The following MAP1B variants were observed in gnomAD, a reference collection of about 807,000 sequenced individuals.
MAP1B encodes microtubule associated protein 1B, also known as microtubule-associated protein 1B.
Under a neutral mutation model 176.1 loss-of-function variants are expected in MAP1B, and 12 were observed. That is an observed-to-expected ratio of 0.07 (90% CI 0.04 to 0.11). The LOEUF (loss-of-function observed/expected upper bound fraction) is 0.11. Among genes scored for constraint, MAP1B ranks in the 10% least tolerant of loss-of-function variants. MAP1B has a pLI of 1.00. For missense variants in MAP1B, 2,523 were observed against 2,990.5 expected (o/e 0.84, Z 3.65); for synonymous variants, 1,044 against 1,135.0 (o/e 0.92, Z 1.61).
At chr5:72,160,135 G>A in intron 2 of MAP1B, among the ~76,000 whole-genome samples, 1 of 151,226 alleles carries the variant, frequency 6.6e-6, no homozygotes, top group East Asian at 1.9e-4. Flanking sequence ...AGCATAAATG[G>A]GAATCAGAAG....
chr5:72,184,321 A>G (rs1746842681), intron 3 of MAP1B, among the ~76,000 whole-genome samples: 1 of 152,192 alleles, frequency 6.6e-6, no homozygotes, highest in African/African-American at 2.4e-5. Flanking sequence ...GCACCAGGTC[A>G]CCTGGGTTCA....
intron 5 of MAP1B, 63 bp from the exon 6 acceptor site, chr5:72,203,500 T>C: frequency 8.6e-7 from 1 of 1,168,842 alleles, no homozygotes; most frequent in Admixed American, 1.7e-5. Flanking sequence ...GGGGAACATG[T>C]GCTGGATGTA....
In MAP1B at chr5:72,198,097, C is replaced by G. The variant is rs777048246; in HGVS notation, c.4742C>G (p.Pro1581Arg). Residue 1581 changes from proline (P) to arginine (R), a missense_variant, in exon 5 of 7, where the codon CCA (proline) becomes CGA (arginine). Around this residue, in one of 4 missense-constraint regions of MAP1B, gnomAD observed 1,925 missense variants for 2,126.0 expected, o/e 0.91. Transcript: ENST00000296755. ...TCTCTGCATGCTGAGGTTGGCTCCCCACATTCCACAGAAGTAGATGACTCC... is the reference window on the plus strand; with the variant it reads ...TCTCTGCATGCTGAGGTTGGCTCCCGACATTCCACAGAAGTAGATGACTCC... Reference protein sequence around the residue: ...SPSLHAEVGSPHSTEVDDSLS... With the variant: ...SPSLHAEVGSRHSTEVDDSLS... The G allele has an allele frequency of 6.2e-7, 1 of 1,614,190 alleles. No individual in the cohort carries two copies. The highest frequency in any genetic ancestry group is 8.5e-7 in the Non-Finnish European group (1 of 1,180,016).
rs1192721865 is a variant in MAP1B at position 72,197,356 on chromosome 5, C to T, written c.4001C>T (p.Thr1334Ile). 26 of 1,614,190 alleles carry T rather than the reference C, an allele frequency of 1.6e-5. No individual in the cohort carries two copies. Among genetic ancestry groups the T allele is most frequent in the Non-Finnish European group, 2.2e-5 (26 of 1,180,032 alleles). Reference protein sequence around the residue: ...SQSVTGSAGHTPYYQSPTDEK... With the variant: ...SQSVTGSAGHIPYYQSPTDEK... ...TCCGTGACTGGCAGTGCTGGTCACA[C>T]ACCTTACTATCAATCTCCTACTGAC... The change falls in exon 5 of 7, where the codon ACA (threonine) becomes ATA (isoleucine). Residue 1334 changes from threonine to isoleucine, a missense_variant. Coordinates refer to ENST00000296755, the MANE Select transcript of MAP1B (RefSeq NM_005909.5).
chr5:72,173,033 A>G (rs1580006798), intron 2 of MAP1B, among the ~76,000 whole-genome samples: 1 of 152,192 alleles, frequency 6.6e-6, no homozygotes, highest in South Asian at 2.1e-4. Context: ...CAGTTCCGCT[A>G]CTAACTAATG....
chr5:72,136,025 T>C (rs974168331), intron 2 of MAP1B, among the ~76,000 whole-genome samples: 6 of 152,258 alleles, frequency 3.9e-5, no homozygotes, highest in Non-Finnish European at 7.4e-5. Flanking sequence ...AACTTTGGAG[T>C]GTTCTAGAAA....
chr5:72,166,646 C>G (rs568064998), intron 2 of MAP1B, among the ~76,000 whole-genome samples: 1 of 152,166 alleles, frequency 6.6e-6, no homozygotes, highest in East Asian at 1.9e-4. Flanking sequence ...GGCCCGAGGC[C>G]GAGCTAATCC....
intron 4 of MAP1B, among the ~76,000 whole-genome samples, chr5:72,187,255 C>T (rs950308901): frequency 3.9e-5 from 6 of 152,118 alleles, no homozygotes; most frequent in South Asian, 2.1e-4. Flanking sequence ...AAATGGGGCA[C>T]GTCTGTGACC....
chr5:72,177,917 C>A (rs1011311363), intron 2 of MAP1B, among the ~76,000 whole-genome samples: 3 of 152,070 alleles, frequency 2.0e-5, no homozygotes, highest in African/African-American at 7.2e-5. Flanking sequence ...TTTTCTCTTC[C>A]TTCCCTTCCT....
intron 2 of MAP1B, among the ~76,000 whole-genome samples, chr5:72,177,601 G>T (rs1746676064): frequency 6.6e-6 from 1 of 152,144 alleles, no homozygotes; most frequent in Non-Finnish European, 1.5e-5. Context: ...TGCCTCACCA[G>T]CTCCCATTCT....
At chr5:72,107,833 C>A in intron 1 of MAP1B, 118 bp downstream of exon 1, 1 of 1,011,824 alleles carries the variant, frequency 9.9e-7, no homozygotes, top group Non-Finnish European at 1.5e-6. Flanking sequence ...CTCTCCTCGT[C>A]ACCTCTCATA....
At chr5:72,118,121 G>T (rs532922877) in intron 2 of MAP1B, among the ~76,000 whole-genome samples, 1 of 152,196 alleles carries the variant, frequency 6.6e-6, no homozygotes, top group African/African-American at 2.4e-5. Context: ...GCTAACTCAT[G>T]TACTTCAGTT....
rs1303904617 is a variant in MAP1B, at chr5:72,197,614, C to T, written c.4259C>T (p.Ala1420Val). 2.5e-6 allele frequency: 4 copies of T among 1,614,178 alleles called. No individual in the cohort carries two copies. Among genetic ancestry groups the T allele is most frequent in the Middle Eastern group, 1.6e-4 (1 of 6,062 alleles). Residue 1420 changes from alanine to valine, a missense_variant, in exon 5 of 7, where the codon GCT (alanine) becomes GTT (valine). Ala to Val is a moderately conservative substitution (Grantham distance 64). This residue lies in a region of MAP1B where 1,925 missense variants were observed against 2,126.0 expected (regional missense o/e 0.91). Transcript: ENST00000296755. ...YESFLSADDK[A>V]SGRGAESPFE... is the part of the protein sequence containing the mutation. ...AGTTTTCTAAGTGCTGATGACAAGG[C>T]TTCTGGCAGAGGTGCCGAAAGTCCT...
chr5:72,203,686 G>C lies in MAP1B; in HGVS notation c.7136G>C (p.Arg2379Thr), dbSNP rs777941140. The C allele has an allele frequency of 6.2e-7, 1 of 1,614,140 alleles. No homozygotes were observed. Among genetic ancestry groups the C allele is most frequent in the Admixed American group, 1.7e-5 (1 of 60,016 alleles). The stretch of plus-strand genomic sequence containing the variant: ...AATGTTGATGTGGAATTTTTCAAGA[G>C]AGTGCGGTCTTCCTACTACGTGGTG... ...SKNVDVEFFKRVRSSYYVVSG... is the reference protein window; with the variant it reads ...SKNVDVEFFKTVRSSYYVVSG... Residue 2379 changes from arginine to threonine, a missense_variant, in exon 6 of 7, where the codon AGA (arginine) becomes ACA (threonine). Physicochemically the swap from Arg to Thr is moderately conservative, Grantham distance 71. This residue lies in a region of MAP1B where 287 missense variants were observed against 401.5 expected (regional missense o/e 0.71). Transcript: ENST00000296755.
At chr5:72,149,821 G>A (rs1443125506) in intron 2 of MAP1B, among the ~76,000 whole-genome samples, 2 of 152,168 alleles carry the variant, frequency 1.3e-5, no homozygotes, top group Non-Finnish European at 1.5e-5. Flanking sequence ...GGAGGAAGTG[G>A]GACAAATGAA....
In MAP1B at chr5:72,128,178, A is replaced by G. The variant is rs529659218; in HGVS notation, c.286+12379A>G. On this transcript the variant is annotated intron_variant, in intron 2 of 6. Transcript: ENST00000296755. ...CCTTGGAAGACTCAGGAGGAAGATC[A>G]TCTCTCTGTGCCTCAGGGTCCTCAT... is the stretch of plus-strand genomic sequence containing the variant. 6.2e-4 allele frequency among the ~76,000 whole-genome samples: 94 copies of G among 152,344 alleles called. 1 individual carries two copies. The highest frequency in any genetic ancestry group is 2.2e-3 in the African/African-American group (92 of 41,592).
Position 72,198,246 on chromosome 5 carries a change from T to C in MAP1B, c.4891T>C (p.Ser1631Pro). 6.2e-7 allele frequency: 1 copy of C among 1,614,186 alleles called. No homozygotes were observed. Among genetic ancestry groups the C allele is most frequent in the Admixed American group, 1.7e-5 (1 of 60,028 alleles). ...AGATTTCTCCCCTAAAACTGCAAAG[T>C]CCAGGACACCCGTTCAAGATCACAG... ...PPDFSPKTAK[S>P]RTPVQDHRSE... Residue 1631 changes from serine (S) to proline (P), a missense_variant, in exon 5 of 7, where the codon TCC (serine) becomes CCC (proline). Physicochemically the swap from Ser to Pro is moderately conservative, Grantham distance 74 (BLOSUM62 -1). Transcript: ENST00000296755.
chr5:72,156,524 G>T (rs1746231851), intron 2 of MAP1B, among the ~76,000 whole-genome samples: 1 of 152,210 alleles, frequency 6.6e-6, no homozygotes, highest in Non-Finnish European at 1.5e-5. Flanking sequence ...TGATAGAGAT[G>T]CTTAAGGACA....
chr5:72,169,213 C>A (rs542815894), intron 2 of MAP1B, among the ~76,000 whole-genome samples: 1 of 152,246 alleles, frequency 6.6e-6, no homozygotes, highest in South Asian at 2.1e-4. Context: ...AGGCAAAATC[C>A]AATGCGCGTG....
Sources: allele counts gnomAD v4.1 joint callset (sites outside exome capture counted in the v4.1 genomes callset), GRCh38; gene constraint gnomAD v4.1.1; regional missense constraint gnomAD v4.1.1; transcripts MANE v1.5; gene names NCBI Gene and HGNC (gene_info 2026-07-23, HGNC 2026-07-21).